Variants in RNF121 observed in about 807,000 individuals in gnomAD.
RNF121 encodes E3 ubiquitin ligase RNF121.
A neutral mutation model predicts 46.5 loss-of-function variants in RNF121; 21 were observed. The ratio of observed to expected loss-of-function variants is 0.45; its 90% CI spans 0.32 to 0.65. The LOEUF is 0.65. Among genes scored for constraint, RNF121 ranks in the 30% least tolerant of loss-of-function variants. The probability of loss-of-function intolerance (pLI) is 0.04; values close to 1 mark genes in which losing one functional copy is unlikely to be tolerated. For missense variants in RNF121, 346 were observed against 416.0 expected, an observed-to-expected ratio of 0.83 and a Z score of 1.46; for synonymous variants, 139 against 144.7, an observed-to-expected ratio of 0.96 and a Z score of 0.28.
At chr11:71,980,191 T>G (rs747449620) in intron 3 of RNF121, among the ~76,000 whole-genome samples, 2 of 152,198 alleles carry the variant, frequency 1.3e-5, no homozygotes, top group Non-Finnish European at 2.9e-5. Flanking sequence ...TGGGTTCCTA[T>G]GTAGTGAATT....
At chr11:71,929,409 G>C (rs1953206664) in intron 1 of RNF121, among the ~76,000 whole-genome samples, 1 of 152,002 alleles carries the variant, frequency 6.6e-6, no homozygotes, top group Admixed American at 6.6e-5. Context: ...TACTAGCTGG[G>C]TGTCTTAGGG....
In RNF121 at chr11:71,997,029, G is replaced by T. The variant is rs183954725; in HGVS notation, c.*714G>T. The T allele has an allele frequency of 2.0e-5, 3 of 152,400 alleles. No homozygotes were observed. The highest frequency in any genetic ancestry group is 2.0e-4 in the Admixed American group (3 of 15,314). The allele number at this position is 152,400 out of a possible 1,614,324, so 9.4% of individuals were successfully genotyped here. Reference sequence around the variant, plus strand: ...GATACTCGCCCGTGGGCAGGGCTGTGGTCAGCCAAGAATAGAGGTCATATA... The same window carrying T: ...GATACTCGCCCGTGGGCAGGGCTGTTGTCAGCCAAGAATAGAGGTCATATA... On this transcript the variant is annotated 3_prime_UTR_variant, in exon 9 of 9. Coordinates refer to ENST00000361756, the MANE Select transcript of RNF121 (RefSeq NM_018320.5).
chr11:71,966,028 A>AT (rs1433777768), intron 3 of RNF121, among the ~76,000 whole-genome samples: 7 of 151,954 alleles, frequency 4.6e-5, no homozygotes, highest in African/African-American at 7.2e-5. Flanking sequence ...TATTTGATAC[A>AT]TTTTTTTTGA....
chr11:71,983,976 G>T (rs184389371), intron 4 of RNF121, among the ~76,000 whole-genome samples: 2 of 152,166 alleles, frequency 1.3e-5, no homozygotes, highest in Non-Finnish European at 2.9e-5. Flanking sequence ...GTTCCTCTCT[G>T]GCTTTGGTAG....
chr11:71,986,879 C>T, intron 4 of RNF121, 125 bp from the exon 5 acceptor site: 1 of 632,812 alleles, frequency 1.6e-6, no homozygotes, highest in Non-Finnish European at 2.8e-6. Flanking sequence ...ACTGAAGTTG[C>T]TCAGTAAGTC....
chr11:71,959,318 A>G (rs1307379643), intron 2 of RNF121, among the ~76,000 whole-genome samples: 1 of 152,210 alleles, frequency 6.6e-6, no homozygotes, highest in Non-Finnish European at 1.5e-5. Context: ...AAAAGTTGAA[A>G]GAATTGTACA....
intron 3 of RNF121, among the ~76,000 whole-genome samples, chr11:71,971,903 A>T (rs1001720615): frequency 6.6e-6 from 1 of 152,216 alleles, no homozygotes; most frequent in Admixed American, 6.5e-5. Context: ...CCTGTGACAC[A>T]TCCTAAGGGG....
intron 1 of RNF121, among the ~76,000 whole-genome samples, chr11:71,953,092 G>T (rs1953921141): frequency 6.6e-6 from 1 of 152,162 alleles, no homozygotes; most frequent in South Asian, 2.1e-4. Flanking sequence ...GGAGTGCATT[G>T]CTGTGATCAG....
chr11:71,991,322 G>C (rs1006918925), intron 6 of RNF121, among the ~76,000 whole-genome samples: 4 of 152,050 alleles, frequency 2.6e-5, no homozygotes, highest in Non-Finnish European at 2.9e-5. Flanking sequence ...TATCCAGCAG[G>C]AAGTTAACAT....
At chr11:71,932,157 AAG>A (rs1953289987) in intron 1 of RNF121, among the ~76,000 whole-genome samples, 1 of 152,222 alleles carries the variant, frequency 6.6e-6, no homozygotes, top group South Asian at 2.1e-4. Context: ...ATAAATAGAA[AAG>A]AGGGTTTAGG....
chr11:71,938,338 G>C (rs1187912372), intron 1 of RNF121, among the ~76,000 whole-genome samples: 1 of 14,544 alleles, frequency 6.9e-5, no homozygotes, highest in Non-Finnish European at 1.6e-4. Flanking sequence ...TTTTTTTTTT[G>C]AGACAGAGTT....
intron 3 of RNF121, among the ~76,000 whole-genome samples, chr11:71,981,424 G>C (rs1489540908): frequency 6.6e-6 from 1 of 152,020 alleles, no homozygotes; most frequent in Non-Finnish European, 1.5e-5. Flanking sequence ...CTCTCTTTTT[G>C]TTGTTGTTTT....
At chr11:71,974,396 A>G (rs1398370027) in intron 3 of RNF121, among the ~76,000 whole-genome samples, 4 of 152,174 alleles carry the variant, frequency 2.6e-5, no homozygotes, top group African/African-American at 7.2e-5. Context: ...CTTATAATGA[A>G]TTGTGGTTGG....
At chr11:71,951,085 G>T (rs1299706623) in intron 1 of RNF121, among the ~76,000 whole-genome samples, 1 of 151,990 alleles carries the variant, frequency 6.6e-6, no homozygotes, top group Non-Finnish European at 1.5e-5. Context: ...TTAGTTGGGC[G>T]TGGTGGTGCA....
intron 1 of RNF121, among the ~76,000 whole-genome samples, chr11:71,935,932 C>G (rs751485312): frequency 1.3e-5 from 2 of 148,312 alleles, no homozygotes; most frequent in Non-Finnish European, 3.0e-5. Flanking sequence ...ACTGCAGCCT[C>G]CGCCTCCTGG....
intron 1 of RNF121, among the ~76,000 whole-genome samples, chr11:71,930,666 A>G (rs1953257449): frequency 6.6e-6 from 1 of 152,114 alleles, no homozygotes; most frequent in Non-Finnish European, 1.5e-5. Flanking sequence ...AGTGAGATAT[A>G]TTTGAAGACA....
chr11:71,943,500 C>T (rs569642928), intron 1 of RNF121, among the ~76,000 whole-genome samples: 28 of 152,306 alleles, frequency 1.8e-4, no homozygotes, highest in African/African-American at 6.5e-4. Flanking sequence ...GTTACGCCAG[C>T]CTCGTGTATG....
At chr11:71,942,273 G>A (rs777117975) in intron 1 of RNF121, among the ~76,000 whole-genome samples, 11 of 152,058 alleles carry the variant, frequency 7.2e-5, no homozygotes, top group Non-Finnish European at 1.3e-4. Flanking sequence ...GGAGTGATGT[G>A]AGCTGATTTT....
chr11:71,951,224 G>T, intron 1 of RNF121, among the ~76,000 whole-genome samples: 1 of 118,172 alleles, frequency 8.5e-6, no homozygotes, highest in Non-Finnish European at 1.8e-5. Context: ...AAAAAAAAAT[G>T]CAATAATGAA....
Sources: gnomAD v4.1 joint callset for allele counts (sites outside exome capture counted in the v4.1 genomes callset) on GRCh38, gnomAD v4.1.1 for gene constraint, MANE v1.5 for transcripts, NCBI Gene and HGNC (gene_info 2026-07-23, HGNC 2026-07-21) for gene names.